Variants in ARHGEF18 observed in about 807,000 individuals in gnomAD.
ARHGEF18 encodes rho guanine nucleotide exchange factor 18.
Under a neutral mutation model 155.7 loss-of-function variants are expected in ARHGEF18, and 93 were observed. That is an observed-to-expected ratio of 0.60 (90% confidence interval 0.50 to 0.71). The LOEUF is 0.71. Among genes scored for constraint, ARHGEF18 ranks in the 30% least tolerant of loss-of-function variants. The probability of loss-of-function intolerance (pLI) is 0.00; values close to 1 mark genes in which losing one functional copy is unlikely to be tolerated. For synonymous variants in ARHGEF18, 742 were observed against 753.1 expected, an observed-to-expected ratio of 0.99 and a Z score of 0.24; for missense variants, 1,593 against 1,816.1, an observed-to-expected ratio of 0.88 and a Z score of 2.23.
chr19:7,357,247 C>T (rs968496185), intron 1 of ARHGEF18, among the ~76,000 whole-genome samples: 5 of 152,288 alleles, frequency 3.3e-5, no homozygotes, highest in South Asian at 2.1e-4. Flanking sequence ...TTAGATCCAA[C>T]GGTGGATGGC....
intron 13 of ARHGEF18, among the ~76,000 whole-genome samples, chr19:7,443,101 C>T (rs1282857152): frequency 2.2e-5 from 3 of 137,776 alleles, no homozygotes; most frequent in African/African-American, 2.8e-5. Context: ...CTCGCTCTGT[C>T]GCCCAGGCTG....
intron 2 of ARHGEF18, among the ~76,000 whole-genome samples, chr19:7,368,388 G>A (rs1027068050): frequency 3.3e-5 from 5 of 152,056 alleles, no homozygotes; most frequent in Admixed American, 6.6e-5. Flanking sequence ...GGCAGCGTAC[G>A]ATGCTTACTC....
rs146200981 is a variant in ARHGEF18, at chr19:7,352,723, C to T, written c.-111+3482C>T. ...TATTTTTTTGTATTTTCAGTAGAGA[C>T]GGGGTTTCACAGTGTTAGCCAGGAT... On this transcript the variant is annotated intron_variant, in intron 1 of 28. Coordinates refer to ENST00000668164, the MANE Select transcript of ARHGEF18 (RefSeq NM_001367823.1). Among the ~76,000 whole-genome samples the T allele has an allele frequency of 6.3e-3, 941 of 149,298 alleles. 6 individuals are homozygous for T. The highest frequency in any genetic ancestry group is 0.022 in the African/African-American group (898 of 40,638).
chr19:7,450,840 G>A (rs1177293544), intron 15 of ARHGEF18, among the ~76,000 whole-genome samples: 1 of 137,406 alleles, frequency 7.3e-6, no homozygotes, highest in African/African-American at 2.7e-5. Flanking sequence ...GTCCGTTTCC[G>A]AGATGTTAAT....
rs1267940785 is a variant in ARHGEF18 at position 7,464,670 on chromosome 19, T to G, written c.2884T>G (p.Ser962Ala). 5.0e-6 allele frequency: 8 copies of G among 1,613,802 alleles called. No individual in the cohort carries two copies. Among genetic ancestry groups the G allele is most frequent in the African/African-American group, 1.3e-5 (1 of 74,870 alleles). Residue 962 changes from serine (S) to alanine (A), a missense_variant, in exon 23 of 29, where the codon TCT becomes GCT. Physicochemically the swap from Ser to Ala is moderately conservative, Grantham distance 99. Transcript: ENST00000668164. ...CAGTGACAGTGACATTCCTGGGAGCTCTGAGGAATCGCCGCAGGTGGTACG... is the reference window on the plus strand; with the variant it reads ...CAGTGACAGTGACATTCCTGGGAGCGCTGAGGAATCGCCGCAGGTGGTACG... ...KLSDSDIPGS[S>A]EESPQVVEAP...
In ARHGEF18 at chr19:7,467,125, G is replaced by C. The variant is rs78931124; in HGVS notation, c.3009+7G>C. On this transcript the variant is annotated splice_region_variant and intron_variant, in intron 25 of 28. Transcript: ENST00000668164. ...GCTGCTCCTGAACCTTCAGGTACAG[G>C]GGCGGGGTGGGGCCGGCCACGCGTG... is the stretch of plus-strand genomic sequence containing the variant. 6.1e-3 allele frequency: 9,762 copies of C among 1,593,590 alleles called. 430 individuals carry two copies. In the East Asian group the frequency reaches 0.13, roughly 21 times the overall value.
chr19:7,449,492 A>C (rs1975222844), intron 15 of ARHGEF18, among the ~76,000 whole-genome samples: 1 of 151,966 alleles, frequency 6.6e-6, no homozygotes, highest in Admixed American at 6.6e-5. Context: ...AGAATCGCTT[A>C]AACTTGGGAG....
intron 10 of ARHGEF18, among the ~76,000 whole-genome samples, chr19:7,416,882 C>A (rs1157942163): frequency 6.6e-6 from 1 of 151,728 alleles, no homozygotes; most frequent in Admixed American, 6.6e-5. Flanking sequence ...GGATTACAGG[C>A]GTGAGCCACC....
intron 17 of ARHGEF18, among the ~76,000 whole-genome samples, chr19:7,454,432 C>G (rs1975700908): frequency 1.3e-5 from 2 of 150,918 alleles, no homozygotes; most frequent in Non-Finnish European, 1.5e-5. Context: ...AGTGGGCTCC[C>G]TCTTGGATCA....
Position 7,463,057 on chromosome 19 carries a change from C to T in ARHGEF18, c.2635+723C>T, listed in dbSNP as rs970854829. Reference sequence around the variant, plus strand: ...CCATGTTGGCCAGGCTGGTCTCGAACTCCTGACCTCAGATGATCCACCCTC... The same window carrying T: ...CCATGTTGGCCAGGCTGGTCTCGAATTCCTGACCTCAGATGATCCACCCTC... On this transcript the variant is annotated intron_variant, in intron 21 of 28. Coordinates refer to ENST00000668164, the MANE Select transcript of ARHGEF18 (RefSeq NM_001367823.1). The surrounding 1 kb of genome is among the most constrained non-coding windows in gnomAD (Gnocchi z 5.2). Among the ~76,000 whole-genome samples, 1 of 152,254 alleles carries T rather than the reference C, an allele frequency of 6.6e-6. No individual in the cohort carries two copies. Among genetic ancestry groups the T allele is most frequent in the Non-Finnish European group, 1.5e-5 (1 of 68,014 alleles).
In ARHGEF18 at chr19:7,385,841, C is replaced by A. The variant is rs868527151; in HGVS notation, c.967+2638C>A. 4.1e-3 allele frequency among the ~76,000 whole-genome samples: 385 copies of A among 92,822 alleles called. 1 individual carries two copies. Among genetic ancestry groups the A allele is most frequent in the African/African-American group, 0.021 (336 of 15,698 alleles). 60.9% of individuals were successfully genotyped at this position (92,822 alleles called of 152,430 possible). On this transcript the variant is annotated intron_variant, in intron 10 of 28. Coordinates refer to ENST00000668164, the MANE Select transcript of ARHGEF18 (RefSeq NM_001367823.1). Reference sequence around the variant, plus strand: ...AGGATCTATCTCTCTCTATCTCTCTCTCTCTCTCTCTCTCTCTCTCTCTCT... The same window carrying A: ...AGGATCTATCTCTCTCTATCTCTCTATCTCTCTCTCTCTCTCTCTCTCTCT...
intron 10 of ARHGEF18, among the ~76,000 whole-genome samples, chr19:7,421,829 T>C (rs1973365994): frequency 6.6e-6 from 1 of 152,084 alleles, no homozygotes; most frequent in Non-Finnish European, 1.5e-5. Context: ...TCAACAGCCT[T>C]CAGGACTTCT....
At position 7,440,070 on chromosome 19, in the gene ARHGEF18, G is replaced by T. The variant is rs1433994330; in HGVS notation, c.968-274G>T. On this transcript the variant is annotated intron_variant, in intron 10 of 28. Coordinates refer to ENST00000668164, the MANE Select transcript of ARHGEF18 (RefSeq NM_001367823.1). The surrounding 1 kb of genome is among the most constrained non-coding windows in gnomAD (Gnocchi z 5.4). Reference sequence around the variant, plus strand: ...TAAAAACGGCGCAGCCCAGCCTGGCGCCGCGCCGGGTCCCGGAGCCCCGGG... The same window carrying T: ...TAAAAACGGCGCAGCCCAGCCTGGCTCCGCGCCGGGTCCCGGAGCCCCGGG... The T allele has an allele frequency of 6.4e-7, 1 of 1,550,464 alleles. No homozygotes were observed.
downstream of ARHGEF18, chr19:7,477,377 G>A: frequency 6.4e-7 from 1 of 1,556,786 alleles, no homozygotes; most frequent in Non-Finnish European, 8.7e-7. Flanking sequence ...GCTGAGAAGT[G>A]ACAGCGCCTC....
chr19:7,401,655 G>A (rs1418975422), intron 10 of ARHGEF18, among the ~76,000 whole-genome samples: 3 of 152,180 alleles, frequency 2.0e-5, no homozygotes, highest in Non-Finnish European at 4.4e-5. Context: ...ATAGGTTGGT[G>A]TAGCTGCCTT....
At chr19:7,361,986 T>C (rs1008528456) in intron 1 of ARHGEF18, among the ~76,000 whole-genome samples, 1 of 129,902 alleles carries the variant, frequency 7.7e-6, no homozygotes, top group African/African-American at 3.0e-5. Context: ...AGAGCAAGAC[T>C]CTGTGGAAGA....
chr19:7,370,381 A>T (rs950693652), intron 2 of ARHGEF18, among the ~76,000 whole-genome samples: 2 of 151,968 alleles, frequency 1.3e-5, no homozygotes, highest in African/African-American at 4.8e-5. Context: ...CTGTAGTCCC[A>T]GCTACTCGGG....
At chr19:7,475,884 G>A (rs1977217408), downstream of ARHGEF18, among the ~76,000 whole-genome samples, 1 of 152,190 alleles carries the variant, frequency 6.6e-6, no homozygotes, top group Admixed American at 6.5e-5. Flanking sequence ...GGACAGGCCT[G>A]CACCCCCGAC....
At chr19:7,385,859 CTCTCTCTCT>C (rs1970999127) in intron 10 of ARHGEF18, among the ~76,000 whole-genome samples, 14 of 109,498 alleles carry the variant, frequency 1.3e-4, no homozygotes, top group Admixed American at 2.7e-4. Context: ...CTCTCTCTCT[CTCTCTCTCT>C]CTCCCCCCTC....
Sources: gnomAD v4.1 joint callset for allele counts (sites outside exome capture counted in the v4.1 genomes callset) on GRCh38, gnomAD v4.1.1 for gene constraint, Gnocchi (gnomAD v3.1) non-coding constraint, MANE v1.5 for transcripts, NCBI Gene and HGNC (gene_info 2026-07-23, HGNC 2026-07-21) for gene names.